SGCG: variants seen among roughly 807,000 people sequenced by gnomAD.
The protein encoded by SGCG is gamma-sarcoglycan.
In SGCG, 26 loss-of-function variants were observed where a neutral mutation model predicts 29.3. The ratio of observed to expected loss-of-function variants is 0.89; its 90% CI spans 0.65 to 1.23. The LOEUF (loss-of-function observed/expected upper bound fraction) is 1.23. Ranked by LOEUF, SGCG falls within the 50% of genes most tolerant of loss-of-function variation. SGCG has a pLI of 0.00. For missense variants in SGCG, 353 were observed against 356.0 expected (o/e 0.99, Z 0.07); for synonymous variants, 145 against 129.7 (o/e 1.12, Z -0.80).
intron 7 of SGCG, among the ~76,000 whole-genome samples, chr13:23,321,033 G>A (rs773632078): frequency 4.0e-5 from 6 of 151,296 alleles, no homozygotes; most frequent in Admixed American, 2.6e-4. Context: ...TTTTCAAGTC[G>A]GAAAAAAAAA....
intron 1 of SGCG, among the ~76,000 whole-genome samples, chr13:23,187,227 G>T (rs1026757086): frequency 6.6e-6 from 1 of 152,102 alleles, no homozygotes; most frequent in Non-Finnish European, 1.5e-5. Context: ...TCTCGCTATG[G>T]TGCCCCTTCT....
chr13:23,292,127 T>TTTTTTTTTTTTTTTTG, intron 5 of SGCG, among the ~76,000 whole-genome samples: 1 of 152,106 alleles, frequency 6.6e-6, no homozygotes, highest in South Asian at 2.1e-4. Context: ...TTCTTTTTTT[T>TTTTTTTTTTTTTTTTG]GAGATAGAGT....
At chr13:23,230,061 C>T (rs1244772595) in intron 2 of SGCG, among the ~76,000 whole-genome samples, 1 of 152,028 alleles carries the variant, frequency 6.6e-6, no homozygotes, top group African/African-American at 2.4e-5. Flanking sequence ...TTTGCTTGTT[C>T]TTGTCAGCTT....
intron 2 of SGCG, among the ~76,000 whole-genome samples, chr13:23,225,967 C>T (rs1593183652): frequency 6.6e-6 from 1 of 152,262 alleles, no homozygotes; most frequent in East Asian, 1.9e-4. Context: ...AGGAGCTTGG[C>T]TCCCATTGTT....
chr13:23,183,166 A>G (rs1371713810), intron 1 of SGCG, among the ~76,000 whole-genome samples: 3 of 152,164 alleles, frequency 2.0e-5, no homozygotes, highest in Non-Finnish European at 4.4e-5. Flanking sequence ...GAGGAGTTGC[A>G]TTGTAGCAGC....
At chr13:23,261,588 G>A (rs747213921) in intron 4 of SGCG, among the ~76,000 whole-genome samples, 1 of 152,024 alleles carries the variant, frequency 6.6e-6, no homozygotes, top group Non-Finnish European at 1.5e-5. Flanking sequence ...TGTATTTAAG[G>A]GAATAATTTA....
At chr13:23,227,448 T>C (rs1468145403) in intron 2 of SGCG, among the ~76,000 whole-genome samples, 1 of 152,196 alleles carries the variant, frequency 6.6e-6, no homozygotes, top group Non-Finnish European at 1.5e-5. Flanking sequence ...TGACAGTTCT[T>C]GTTCTTAAAA....
chr13:23,233,293 C>T (rs1307569042), intron 2 of SGCG, among the ~76,000 whole-genome samples: 1 of 152,036 alleles, frequency 6.6e-6, no homozygotes, highest in Admixed American at 6.6e-5. Flanking sequence ...GGACATTATG[C>T]TAAGTGAAAT....
At chr13:23,209,600 G>A (rs1566000291) in intron 2 of SGCG, among the ~76,000 whole-genome samples, 1 of 152,200 alleles carries the variant, frequency 6.6e-6, no homozygotes, top group Non-Finnish European at 1.5e-5. Flanking sequence ...CAGTGGTCAT[G>A]GAGGGTTATT....
the SGCG span, among the ~76,000 whole-genome samples, chr13:23,162,185 A>C: frequency 6.6e-6 from 1 of 152,248 alleles, no homozygotes; most frequent in Non-Finnish European, 1.5e-5. Context: ...GTGGGTTGGT[A>C]ATATTTAAGA....
intron 1 of SGCG, among the ~76,000 whole-genome samples, chr13:23,194,491 C>T (rs1877405790): frequency 6.6e-6 from 1 of 152,216 alleles, no homozygotes; most frequent in Non-Finnish European, 1.5e-5. Flanking sequence ...CACACTCTCT[C>T]CCTCTTCTTT....
chr13:23,249,039 C>A (rs979727098), intron 3 of SGCG, among the ~76,000 whole-genome samples: 1 of 149,576 alleles, frequency 6.7e-6, no homozygotes, highest in East Asian at 2.0e-4. Context: ...TTTATTTATT[C>A]CATTAGTGAG....
intron 2 of SGCG, among the ~76,000 whole-genome samples, chr13:23,212,201 C>A (rs1357543249): frequency 6.6e-6 from 1 of 152,164 alleles, no homozygotes; most frequent in Non-Finnish European, 1.5e-5. Flanking sequence ...GCCAGTTAAA[C>A]CTCTTCTTTG....
intron 6 of SGCG, among the ~76,000 whole-genome samples, chr13:23,303,418 G>C (rs1253317996): frequency 6.6e-6 from 1 of 152,192 alleles, no homozygotes; most frequent in Admixed American, 6.5e-5. Context: ...AGAAACTAAT[G>C]AGGTGAGCCC....
intron 1 of SGCG, among the ~76,000 whole-genome samples, chr13:23,200,873 G>A (rs1024796972): frequency 3.3e-5 from 5 of 152,134 alleles, no homozygotes; most frequent in Admixed American, 3.3e-4. Flanking sequence ...GGGGACTCCT[G>A]GCCGAGTAAG....
chr13:23,282,060 A>G (rs541555912), intron 5 of SGCG, among the ~76,000 whole-genome samples: 2 of 152,290 alleles, frequency 1.3e-5, no homozygotes, highest in South Asian at 2.1e-4. Context: ...TCTAATGACT[A>G]TATGCTTTCC....
chr13:23,170,212 A>G, the SGCG span, among the ~76,000 whole-genome samples: 1 of 152,198 alleles, frequency 6.6e-6, no homozygotes, highest in African/African-American at 2.4e-5. Flanking sequence ...TTGGTATCAA[A>G]CAGCTTTATT....
chr13:23,266,100 A>G (rs972299876), intron 4 of SGCG, among the ~76,000 whole-genome samples: 1 of 151,960 alleles, frequency 6.6e-6, no homozygotes, highest in African/African-American at 2.4e-5. Flanking sequence ...ACATGTTGAA[A>G]CCCCATCTCT....
chr13:23,210,652 T>C (rs1229936013), intron 2 of SGCG, among the ~76,000 whole-genome samples: 2 of 152,020 alleles, frequency 1.3e-5, no homozygotes, highest in African/African-American at 2.4e-5. Context: ...GATCATGCCA[T>C]TGCACTCCAG....
Sources: gnomAD v4.1 joint callset for allele counts (sites outside exome capture counted in the v4.1 genomes callset) on GRCh38, gnomAD v4.1.1 for gene constraint, MANE v1.5 for transcripts, NCBI Gene and HGNC (gene_info 2026-07-23, HGNC 2026-07-21) for gene names.